The following PTPRM variants were observed in gnomAD, a reference collection of about 807,000 sequenced individuals.
The protein encoded by PTPRM is receptor-type tyrosine-protein phosphatase mu.
Under a neutral mutation model 186.7 loss-of-function variants are expected in PTPRM, and 47 were observed. The observed-to-expected ratio is 0.25, with a 90% CI of 0.20 to 0.32. The LOEUF is 0.32. Ranked by LOEUF, PTPRM falls within the 10% of genes least tolerant of loss-of-function variation. The pLI is 1.00. For synonymous variants in PTPRM, 668 were observed against 674.9 expected, an observed-to-expected ratio of 0.99 and a Z score of 0.16; for missense variants, 1,494 against 1,865.0, an observed-to-expected ratio of 0.80 and a Z score of 3.66.
intron 7 of PTPRM, among the ~76,000 whole-genome samples, chr18:7,981,842 A>G (rs2082570856): frequency 1.3e-5 from 2 of 152,176 alleles, no homozygotes; most frequent in Non-Finnish European, 2.9e-5. Flanking sequence ...GACTCTTGGA[A>G]CACAATGGTA....
At chr18:8,183,679 G>T (rs2093607031) in intron 14 of PTPRM, among the ~76,000 whole-genome samples, 1 of 152,184 alleles carries the variant, frequency 6.6e-6, no homozygotes, top group Admixed American at 6.5e-5. Context: ...ATAAAATAAA[G>T]TAGGAGGAAT....
intron 7 of PTPRM, among the ~76,000 whole-genome samples, chr18:8,008,509 T>C (rs1301240968): frequency 6.6e-6 from 1 of 152,230 alleles, no homozygotes; most frequent in Non-Finnish European, 1.5e-5. Context: ...TTCCCCATCC[T>C]AGCTCTTGAA....
intron 22 of PTPRM, among the ~76,000 whole-genome samples, chr18:8,339,680 G>A (rs1017367531): frequency 6.6e-6 from 1 of 152,152 alleles, no homozygotes; most frequent in Non-Finnish European, 1.5e-5. Flanking sequence ...TGGGTGCTAA[G>A]AGGAGCCTCC....
chr18:8,056,751 C>CAA (rs34470950), intron 7 of PTPRM, among the ~76,000 whole-genome samples: 5,212 of 143,818 alleles, frequency 0.036, 225 homozygotes, highest in African/African-American at 0.1. Flanking sequence ...CCTTTTTTAG[C>CAA]AAAAAAAAAA....
intron 13 of PTPRM, among the ~76,000 whole-genome samples, chr18:8,118,680 A>G (rs946365830): frequency 1.3e-5 from 2 of 151,802 alleles, no homozygotes; most frequent in African/African-American, 2.4e-5. Flanking sequence ...GGTGCCTTTA[A>G]TCCCAGCTAC....
intron 1 of PTPRM, among the ~76,000 whole-genome samples, chr18:7,591,755 C>T (rs866446834): frequency 2.6e-5 from 4 of 152,080 alleles, no homozygotes; most frequent in African/African-American, 4.8e-5. Flanking sequence ...ATAATTGAAC[C>T]GTGTTTATTT....
intron 2 of PTPRM, among the ~76,000 whole-genome samples, chr18:7,825,618 A>G (rs2045443939): frequency 6.6e-6 from 1 of 152,092 alleles, no homozygotes; most frequent in African/African-American, 2.4e-5. Context: ...AGGTTGGCTG[A>G]TCCCTGTGAT....
intron 19 of PTPRM, among the ~76,000 whole-genome samples, chr18:8,286,983 A>G (rs961493716): frequency 1.3e-5 from 2 of 151,882 alleles, no homozygotes; most frequent in Admixed American, 6.6e-5. Flanking sequence ...AAAAAAAAAA[A>G]GTATCCTTAG....
intron 1 of PTPRM, among the ~76,000 whole-genome samples, chr18:7,605,425 C>T (rs1052988195): frequency 6.6e-6 from 1 of 151,572 alleles, no homozygotes; most frequent in Non-Finnish European, 1.5e-5. Flanking sequence ...AATGTCCCCC[C>T]CCCACTTCCG....
chr18:8,271,663 A>G (rs990226951), intron 19 of PTPRM, among the ~76,000 whole-genome samples: 1 of 152,092 alleles, frequency 6.6e-6, no homozygotes, highest in Non-Finnish European at 1.5e-5. Context: ...AATTTTTTTC[A>G]GTAGTTAATA....
intron 32 of PTPRM, among the ~76,000 whole-genome samples, chr18:8,400,474 C>T (rs1226678003): frequency 6.6e-6 from 1 of 152,220 alleles, no homozygotes; most frequent in Non-Finnish European, 1.5e-5. Context: ...CCCACTTCAG[C>T]CAGAGGCTCT....
intron 1 of PTPRM, among the ~76,000 whole-genome samples, chr18:7,758,205 A>T (rs1345699413): frequency 6.6e-6 from 1 of 152,232 alleles, no homozygotes; most frequent in Non-Finnish European, 1.5e-5. Context: ...ATTTGCACAG[A>T]TACGCATTTG....
chr18:7,662,636 C>G (rs376384480), intron 1 of PTPRM, among the ~76,000 whole-genome samples: 1 of 151,732 alleles, frequency 6.6e-6, no homozygotes, highest in Non-Finnish European at 1.5e-5. Context: ...TGAATAAGAT[C>G]TAGTATTTGA....
At chr18:7,891,433 A>C (rs2049075161) in intron 3 of PTPRM, among the ~76,000 whole-genome samples, 1 of 152,158 alleles carries the variant, frequency 6.6e-6, no homozygotes, top group Non-Finnish European at 1.5e-5. Flanking sequence ...ACAAAAAGTA[A>C]AAATTTGTTT....
At chr18:7,626,001 G>A (rs1439084557) in intron 1 of PTPRM, among the ~76,000 whole-genome samples, 1 of 152,168 alleles carries the variant, frequency 6.6e-6, no homozygotes, top group Non-Finnish European at 1.5e-5. Context: ...CAGCCTCTCA[G>A]CTTCATTTTC....
intron 7 of PTPRM, among the ~76,000 whole-genome samples, chr18:8,032,656 A>G (rs1192857595): frequency 6.6e-6 from 1 of 152,194 alleles, no homozygotes; most frequent in African/African-American, 2.4e-5. Flanking sequence ...CTAATAAAAA[A>G]TAAATTGAAA....
chr18:8,172,877 G>C (rs1023450781), intron 14 of PTPRM, among the ~76,000 whole-genome samples: 37 of 152,130 alleles, frequency 2.4e-4, no homozygotes, highest in Admixed American at 4.6e-4. Context: ...ACCTGGCACT[G>C]TAATTAATTG....
intron 7 of PTPRM, among the ~76,000 whole-genome samples, chr18:8,038,737 A>G (rs72907904): frequency 0.035 from 5,334 of 152,230 alleles, 134 homozygotes; most frequent in Admixed American, 0.072. Flanking sequence ...CAAGCATCTT[A>G]TAGTCACAGT....
chr18:7,601,090 G>T (rs1366774336), intron 1 of PTPRM, among the ~76,000 whole-genome samples: 1 of 152,202 alleles, frequency 6.6e-6, no homozygotes. Context: ...CCAGTGGCGT[G>T]GCTTTCCTAG....
Sources: gnomAD v4.1 joint callset for allele counts (sites outside exome capture counted in the v4.1 genomes callset) on GRCh38, gnomAD v4.1.1 for gene constraint, MANE v1.5 for transcripts, NCBI Gene and HGNC (gene_info 2026-07-23, HGNC 2026-07-21) for gene names.